The following TMEM178B variants were observed in gnomAD, a reference collection of about 807,000 sequenced individuals.
The protein encoded by TMEM178B is transmembrane protein 178B.
A neutral mutation model predicts 31.0 loss-of-function variants in TMEM178B; 5 were observed. The observed-to-expected ratio is 0.16, with a 90% CI of 0.08 to 0.34. The LOEUF (loss-of-function observed/expected upper bound fraction) is 0.34, where lower values mean the gene tolerates loss of function less well. Ranked by LOEUF, TMEM178B falls within the 10% of genes least tolerant of loss-of-function variation. The pLI is 1.00. For synonymous variants in TMEM178B, 164 were observed against 164.0 expected, an observed-to-expected ratio of 1.00 and a Z score of 0.00; for missense variants, 275 against 400.3, an observed-to-expected ratio of 0.69 and a Z score of 2.67.
chr7:141,431,926 T>C (rs1801437182), intron 2 of TMEM178B, among the ~76,000 whole-genome samples: 1 of 152,174 alleles, frequency 6.6e-6, no homozygotes, highest in South Asian at 2.1e-4. Flanking sequence ...CAGGAATACA[T>C]GCACAGGCCT....
intron 2 of TMEM178B, among the ~76,000 whole-genome samples, chr7:141,230,318 T>C (rs1271384901): frequency 6.6e-6 from 1 of 152,232 alleles, no homozygotes; most frequent in Non-Finnish European, 1.5e-5. Flanking sequence ...AGGCAGTTTA[T>C]AGCCCTACCA....
chr7:141,113,284 G>A (rs1027890198), intron 1 of TMEM178B, among the ~76,000 whole-genome samples: 3 of 152,204 alleles, frequency 2.0e-5, no homozygotes, highest in African/African-American at 7.2e-5. Context: ...GTTGAAGCAG[G>A]AGGGGTACCC....
chr7:141,506,825 A>G, the TMEM178B span, among the ~76,000 whole-genome samples: 1 of 152,192 alleles, frequency 6.6e-6, no homozygotes, highest in Non-Finnish European at 1.5e-5. Flanking sequence ...GTAAAATCAA[A>G]AGCAAGCTAA....
chr7:141,325,341 C>G (rs1015611971), intron 2 of TMEM178B, among the ~76,000 whole-genome samples: 1 of 152,090 alleles, frequency 6.6e-6, no homozygotes, highest in African/African-American at 2.4e-5. Context: ...AAAAGCATCT[C>G]GAGGAAGAAA....
At chr7:141,209,162 A>G (rs1346000528) in intron 1 of TMEM178B, among the ~76,000 whole-genome samples, 1 of 152,174 alleles carries the variant, frequency 6.6e-6, no homozygotes, top group African/African-American at 2.4e-5. Context: ...GCATGATGGT[A>G]TTCTTGTTAC....
At chr7:141,391,205 C>T (rs1324985650) in intron 2 of TMEM178B, among the ~76,000 whole-genome samples, 2 of 152,088 alleles carry the variant, frequency 1.3e-5, no homozygotes, top group South Asian at 2.1e-4. Context: ...CTCACTCTGT[C>T]GCCAGACTGA....
At chr7:141,435,875 A>G (rs1032246459) in intron 2 of TMEM178B, among the ~76,000 whole-genome samples, 1 of 152,146 alleles carries the variant, frequency 6.6e-6, no homozygotes, top group African/African-American at 2.4e-5. Context: ...GCCCTAGTAG[A>G]GCAGGAACCT....
At chr7:141,448,987 G>T (rs1029767604) in intron 3 of TMEM178B, among the ~76,000 whole-genome samples, 3 of 152,118 alleles carry the variant, frequency 2.0e-5, no homozygotes, top group Admixed American at 2.0e-4. Context: ...CTCTGGAGTG[G>T]TTGTCGAGAA....
chr7:141,383,228 T>A (rs1027769811), intron 2 of TMEM178B, among the ~76,000 whole-genome samples: 37 of 152,146 alleles, frequency 2.4e-4, no homozygotes, highest in African/African-American at 8.0e-4. Flanking sequence ...TCTTTTTTTT[T>A]TAAATTATAC....
chr7:141,149,684 A>G (rs1309029139), intron 1 of TMEM178B, among the ~76,000 whole-genome samples: 1 of 152,174 alleles, frequency 6.6e-6, no homozygotes, highest in East Asian at 1.9e-4. Flanking sequence ...ACCCCTGGGG[A>G]GAACGCCTTA....
rs182342574 is a variant in TMEM178B, at chr7:141,137,176, A to G, written c.382+62484A>G. On this transcript the variant is annotated intron_variant, in intron 1 of 3. Coordinates refer to ENST00000565468, the MANE Select transcript of TMEM178B (RefSeq NM_001195278.2). ...GGAGGTTTTTAAAAAAACTTAAAAT[A>G]GAACTACTATATGATCCAGCAATCC... Among the ~76,000 whole-genome samples, 526 of 152,342 alleles carry G rather than the reference A, an allele frequency of 3.5e-3. 2 individuals are homozygous for G. The highest frequency in any genetic ancestry group is 5.5e-3 in the Non-Finnish European group (372 of 68,024).
chr7:141,409,961 T>TA (rs549307817), intron 2 of TMEM178B, among the ~76,000 whole-genome samples: 43 of 152,174 alleles, frequency 2.8e-4, no homozygotes, highest in Non-Finnish European at 5.4e-4. Flanking sequence ...CCGGGTGACA[T>TA]ATGTATCTTG....
downstream of TMEM178B, among the ~76,000 whole-genome samples, chr7:141,481,052 G>A (rs948069402): frequency 2.6e-5 from 4 of 152,254 alleles, no homozygotes; most frequent in African/African-American, 9.6e-5. Flanking sequence ...TGAGCAGCCA[G>A]AATCGCATCT....
chr7:141,247,310 A>G (rs548776960), intron 2 of TMEM178B, among the ~76,000 whole-genome samples: 104 of 152,328 alleles, frequency 6.8e-4, no homozygotes, highest in African/African-American at 2.3e-3. Flanking sequence ...CTTTATATAC[A>G]TGGATATATC....
intron 3 of TMEM178B, among the ~76,000 whole-genome samples, chr7:141,440,536 A>G (rs1352745789): frequency 6.6e-6 from 1 of 151,776 alleles, no homozygotes; most frequent in Non-Finnish European, 1.5e-5. Context: ...TTTAACTCCA[A>G]CTTTTAAGGA....
intron 2 of TMEM178B, among the ~76,000 whole-genome samples, chr7:141,308,377 A>G (rs191194165): frequency 6.6e-6 from 1 of 152,264 alleles, no homozygotes; most frequent in African/African-American, 2.4e-5. Flanking sequence ...GTTTCAAAAA[A>G]TTTTTTAAAA....
intron 1 of TMEM178B, among the ~76,000 whole-genome samples, chr7:141,180,190 G>C (rs377650066): frequency 6.6e-6 from 1 of 152,126 alleles, no homozygotes; most frequent in Non-Finnish European, 1.5e-5. Flanking sequence ...TGAATCTAAA[G>C]AAAACACAGG....
At chr7:141,489,918 C>T in the TMEM178B span, among the ~76,000 whole-genome samples, 11 of 152,324 alleles carry the variant, frequency 7.2e-5, no homozygotes, top group South Asian at 6.2e-4. Context: ...TGAATCCCAA[C>T]GAAGGTGAAG....
At chr7:141,259,576 A>T (rs2214768) in intron 2 of TMEM178B, among the ~76,000 whole-genome samples, 65,991 of 151,968 alleles carry the variant, frequency 0.43, 14,553 homozygotes, top group East Asian at 0.67. Flanking sequence ...TGATTTTTCC[A>T]TGGGGATTGT....
Sources: allele counts gnomAD v4.1 joint callset (sites outside exome capture counted in the v4.1 genomes callset), GRCh38; gene constraint gnomAD v4.1.1; transcripts MANE v1.5; gene names NCBI Gene and HGNC (gene_info 2026-07-23, HGNC 2026-07-21).